The following ASTN2 variants were observed in gnomAD, a reference collection of about 807,000 sequenced individuals.
The protein encoded by ASTN2 is astrotactin 2.
Under a neutral mutation model 139.8 loss-of-function variants are expected in ASTN2, and 54 were observed. The ratio of observed to expected loss-of-function variants is 0.39; its 90% CI spans 0.31 to 0.48. The LOEUF (loss-of-function observed/expected upper bound fraction) is 0.48, where lower values mean the gene tolerates loss of function less well. Among genes scored for constraint, ASTN2 ranks in the 20% least tolerant of loss-of-function variants. The pLI is 0.95. For synonymous variants in ASTN2, 756 were observed against 719.5 expected, an observed-to-expected ratio of 1.05 and a Z score of -0.81; for missense variants, 1,565 against 1,725.1, an observed-to-expected ratio of 0.91 and a Z score of 1.64.
At chr9:117,252,642 T>C (rs1452599521) in intron 2 of ASTN2, among the ~76,000 whole-genome samples, 2 of 152,240 alleles carry the variant, frequency 1.3e-5, no homozygotes, top group Non-Finnish European at 2.9e-5. Flanking sequence ...TAGATATGTC[T>C]TGTACTATTT....
At chr9:116,855,118 G>A (rs10983378) in intron 11 of ASTN2, among the ~76,000 whole-genome samples, 13,050 of 151,976 alleles carry the variant, frequency 0.086, 721 homozygotes, top group East Asian at 0.23. Context: ...AAGTCCCAAC[G>A]AAATAAAATA....
intron 21 of ASTN2, among the ~76,000 whole-genome samples, chr9:116,441,396 A>T (rs1389312707): frequency 6.6e-6 from 1 of 151,304 alleles, no homozygotes; most frequent in African/African-American, 2.4e-5. Flanking sequence ...TGTGGTCCTA[A>T]ATCATTACCA....
intron 2 of ASTN2, among the ~76,000 whole-genome samples, chr9:117,254,336 G>T (rs1309152711): frequency 6.6e-6 from 1 of 152,292 alleles, no homozygotes; most frequent in Admixed American, 6.5e-5. Context: ...ATATCCTTAA[G>T]TAGCATTTAT....
intron 20 of ASTN2, among the ~76,000 whole-genome samples, chr9:116,442,808 G>A (rs559803733): frequency 6.6e-4 from 101 of 152,212 alleles, no homozygotes; most frequent in Non-Finnish European, 1.1e-3. Flanking sequence ...TCTTTCCACA[G>A]TCTCAGTTAC....
intron 1 of ASTN2, among the ~76,000 whole-genome samples, chr9:117,364,682 C>T (rs745732652): frequency 6.6e-6 from 1 of 151,938 alleles, no homozygotes; most frequent in Non-Finnish European, 1.5e-5. Flanking sequence ...AGTTTATAAC[C>T]CTGAGAAAAG....
chr9:116,693,451 A>C (rs2132057303), intron 16 of ASTN2, among the ~76,000 whole-genome samples: 1 of 152,334 alleles, frequency 6.6e-6, no homozygotes, highest in South Asian at 2.1e-4. Context: ...ATAATTATGT[A>C]ATTTTTCTGA....
chr9:117,303,432 A>G (rs1299501395), intron 1 of ASTN2, among the ~76,000 whole-genome samples: 3 of 152,092 alleles, frequency 2.0e-5, no homozygotes, highest in Non-Finnish European at 2.9e-5. Context: ...TCCTCAGACT[A>G]AGCACACCTT....
At position 116,859,955 on chromosome 9, in the gene ASTN2, C is replaced by T. The variant is rs1832833671; in HGVS notation, c.2040+3628G>A. Among the ~76,000 whole-genome samples, 3 of 152,226 alleles carry T rather than the reference C, an allele frequency of 2.0e-5. 1 individual carries two copies. The highest frequency in any genetic ancestry group is 2.0e-4 in the Admixed American group (3 of 15,280). ...GCCCTCTGGAGGCTGGAAAAACTAG[C>T]TGACGCACAGAGCCAGCTGGCCTTA... On this transcript the variant is annotated intron_variant, in intron 11 of 22. Coordinates refer to ENST00000313400, the MANE Select transcript of ASTN2 (RefSeq NM_001365068.1).
At chr9:117,396,024 G>A (rs1830667250) in intron 1 of ASTN2, among the ~76,000 whole-genome samples, 2 of 152,092 alleles carry the variant, frequency 1.3e-5, no homozygotes, top group South Asian at 4.1e-4. Context: ...TATAAAATAG[G>A]GGATAGTGTG....
chr9:116,909,071 G>A (rs577967239), intron 10 of ASTN2, among the ~76,000 whole-genome samples: 7 of 152,166 alleles, frequency 4.6e-5, no homozygotes, highest in Non-Finnish European at 8.8e-5. Flanking sequence ...GGAGGACACT[G>A]GATTCATTCT....
At chr9:117,328,355 A>T (rs1424992957) in intron 1 of ASTN2, among the ~76,000 whole-genome samples, 5 of 152,196 alleles carry the variant, frequency 3.3e-5, no homozygotes, top group Non-Finnish European at 7.3e-5. Flanking sequence ...AATACCAAGA[A>T]GAGAAAAAAA....
At position 117,167,642 on chromosome 9, in the gene ASTN2, G is replaced by GA. The variant is rs541985123; in HGVS notation, c.1016-26165dup. On this transcript the variant is annotated intron_variant, in intron 3 of 22. Coordinates refer to ENST00000313400, the MANE Select transcript of ASTN2 (RefSeq NM_001365068.1). Reference sequence around the variant, plus strand: ...GATGGACAAAACCAACTGAATCAGGGAAAAAAAATATCTATTTAGTACATT... The same window carrying GA: ...GATGGACAAAACCAACTGAATCAGGGAAAAAAAAATATCTATTTAGTACATT... 2.2e-4 allele frequency among the ~76,000 whole-genome samples: 34 copies of GA among 151,740 alleles called. No homozygotes were observed. The East Asian group carries it at 3.5e-3, about 16-fold the overall frequency.
At chr9:117,150,696 G>GTAAGCACA (rs1830308827) in intron 3 of ASTN2, among the ~76,000 whole-genome samples, 1 of 152,148 alleles carries the variant, frequency 6.6e-6, no homozygotes, top group African/African-American at 2.4e-5. Context: ...CTGATACAGA[G>GTAAGCACA]TAAGCACATT....
intron 19 of ASTN2, among the ~76,000 whole-genome samples, chr9:116,520,000 T>C (rs1379339466): frequency 6.6e-6 from 1 of 152,042 alleles, no homozygotes; most frequent in African/African-American, 2.4e-5. Context: ...GCAGTGAGAT[T>C]GAAATAATAA....
chr9:117,254,420 C>T (rs1365768948), intron 2 of ASTN2, among the ~76,000 whole-genome samples: 1 of 152,128 alleles, frequency 6.6e-6, no homozygotes, highest in Non-Finnish European at 1.5e-5. Flanking sequence ...CTACTACAAC[C>T]CAACCCAGGG....
chr9:117,136,501 A>G (rs1399670956), intron 4 of ASTN2, among the ~76,000 whole-genome samples: 2 of 152,196 alleles, frequency 1.3e-5, no homozygotes, highest in Non-Finnish European at 2.9e-5. Flanking sequence ...ATATGCCTTT[A>G]AGAAGACTTC....
At chr9:116,555,588 T>A (rs1852573980) in intron 19 of ASTN2, among the ~76,000 whole-genome samples, 2 of 149,798 alleles carry the variant, frequency 1.3e-5, no homozygotes, top group Non-Finnish European at 3.0e-5. Context: ...TGGCTGAAGC[T>A]GACCTCTGGG....
At chr9:117,100,159 C>G (rs1250973685) in intron 4 of ASTN2, among the ~76,000 whole-genome samples, 1 of 152,216 alleles carries the variant, frequency 6.6e-6, no homozygotes, top group Admixed American at 6.5e-5. Context: ...ACTCTCCCAT[C>G]TTTCCACATG....
At chr9:116,718,975 C>CTATATATATAT (rs1564230183) in intron 16 of ASTN2, among the ~76,000 whole-genome samples, 1 of 116,576 alleles carries the variant, frequency 8.6e-6, no homozygotes. Context: ...TGTATCTGTA[C>CTATATATATAT]ATATATATAT....
Sources: allele counts gnomAD v4.1 joint callset (sites outside exome capture counted in the v4.1 genomes callset), GRCh38; gene constraint gnomAD v4.1.1; transcripts MANE v1.5; gene names NCBI Gene and HGNC (gene_info 2026-07-23, HGNC 2026-07-21).